The following SPOCK3 variants were observed in gnomAD, a reference collection of about 807,000 sequenced individuals.
SPOCK3 encodes SPARC (osteonectin), cwcv and kazal like domains proteoglycan 3, also known as testican-3.
SPOCK3 carries 30 observed loss-of-function variants against 56.6 expected under a neutral mutation model. The observed-to-expected ratio is 0.53, with a 90% CI of 0.40 to 0.72. The LOEUF (loss-of-function observed/expected upper bound fraction) is 0.72. SPOCK3 is among the 30% of genes least tolerant of loss of function. SPOCK3 has a pLI of 0.00. For synonymous variants in SPOCK3, 196 were observed against 183.3 expected (o/e 1.07, Z -0.56); for missense variants, 527 against 530.0 (o/e 0.99, Z 0.06).
chr4:167,060,008 G>A (rs1381454181), intron 3 of SPOCK3, among the ~76,000 whole-genome samples: 1 of 151,904 alleles, frequency 6.6e-6, no homozygotes, highest in Non-Finnish European at 1.5e-5. Context: ...TTGTGGGGTG[G>A]GGGGAGTGGG....
chr4:167,162,126 T>C (rs1476145503), intron 2 of SPOCK3, among the ~76,000 whole-genome samples: 1 of 152,070 alleles, frequency 6.6e-6, no homozygotes, highest in Admixed American at 6.6e-5. Flanking sequence ...CATTAGGTCA[T>C]ACCCTTTTGT....
At chr4:166,841,052 A>G (rs1747236438) in intron 6 of SPOCK3, among the ~76,000 whole-genome samples, 1 of 152,096 alleles carries the variant, frequency 6.6e-6, no homozygotes, top group African/African-American at 2.4e-5. Context: ...AGCTAGGATT[A>G]CAGGCGTAAG....
At chr4:167,116,711 T>G (rs1352647071) in intron 2 of SPOCK3, among the ~76,000 whole-genome samples, 4 of 133,050 alleles carry the variant, frequency 3.0e-5, no homozygotes, top group Non-Finnish European at 6.4e-5. Flanking sequence ...TATACGTATA[T>G]AGTATATATG....
intron 4 of SPOCK3, among the ~76,000 whole-genome samples, chr4:166,921,599 A>G (rs1358867778): frequency 6.6e-6 from 1 of 152,108 alleles, no homozygotes; most frequent in Non-Finnish European, 1.5e-5. Context: ...TACAGGCATG[A>G]GCCACTGCAC....
intron 2 of SPOCK3, among the ~76,000 whole-genome samples, chr4:167,099,550 G>T (rs770912305): frequency 4.0e-5 from 6 of 151,876 alleles, no homozygotes; most frequent in Non-Finnish European, 7.4e-5. Flanking sequence ...TTCTGTAAAG[G>T]CTCAGAAATT....
At chr4:166,868,026 CTTCT>C (rs1431194295) in intron 6 of SPOCK3, among the ~76,000 whole-genome samples, 15 of 151,866 alleles carry the variant, frequency 9.9e-5, no homozygotes, top group South Asian at 4.1e-4. Flanking sequence ...AGAATTTAAA[CTTCT>C]TTATTTCCAT....
chr4:166,838,898 G>A (rs1746925953), intron 6 of SPOCK3, among the ~76,000 whole-genome samples: 1 of 150,628 alleles, frequency 6.6e-6, no homozygotes, highest in Non-Finnish European at 1.5e-5. Context: ...GGAGGCGGAG[G>A]TTGCAGTGAG....
chr4:167,040,551 G>T (rs1265923292), intron 3 of SPOCK3, among the ~76,000 whole-genome samples: 3 of 152,102 alleles, frequency 2.0e-5, no homozygotes, highest in Non-Finnish European at 4.4e-5. Flanking sequence ...CTTATGTATG[G>T]TAACAATGTG....
intron 2 of SPOCK3, 59 bp downstream of exon 2, chr4:167,233,926 G>T: frequency 6.7e-7 from 1 of 1,493,542 alleles, no homozygotes; most frequent in Non-Finnish European, 9.3e-7. Flanking sequence ...CGGCGGCCGC[G>T]GCCCCCGCCT....
chr4:167,053,682 C>A (rs968743976), intron 3 of SPOCK3, among the ~76,000 whole-genome samples: 1 of 151,888 alleles, frequency 6.6e-6, no homozygotes. Context: ...GAGACTCCAT[C>A]TCAAAAATAA....
intron 2 of SPOCK3, among the ~76,000 whole-genome samples, chr4:167,144,509 G>A (rs1272337086): frequency 1.3e-5 from 2 of 151,838 alleles, no homozygotes; most frequent in Non-Finnish European, 2.9e-5. Flanking sequence ...GCCAGGCATA[G>A]ACCTAGGTTT....
At chr4:167,198,844 G>A (rs2110908203) in intron 2 of SPOCK3, among the ~76,000 whole-genome samples, 1 of 152,130 alleles carries the variant, frequency 6.6e-6, no homozygotes, top group East Asian at 1.9e-4. Context: ...ATAGATTGGA[G>A]CAAAAGTAAT....
intron 3 of SPOCK3, among the ~76,000 whole-genome samples, chr4:167,019,817 T>C (rs1750997331): frequency 6.6e-6 from 1 of 152,086 alleles, no homozygotes; most frequent in Non-Finnish European, 1.5e-5. Flanking sequence ...TTCTAATTGA[T>C]AGAACATAAA....
intron 6 of SPOCK3, among the ~76,000 whole-genome samples, chr4:166,868,330 C>T (rs778020233): frequency 2.6e-5 from 4 of 151,264 alleles, no homozygotes; most frequent in African/African-American, 9.7e-5. Flanking sequence ...CATGGGGGCA[C>T]AGGCCTGCAA....
At chr4:167,176,018 A>C (rs1730951450) in intron 2 of SPOCK3, among the ~76,000 whole-genome samples, 1 of 152,118 alleles carries the variant, frequency 6.6e-6, no homozygotes, top group South Asian at 2.1e-4. Context: ...TCAGGGCTGC[A>C]TTCCTTCTGG....
intron 7 of SPOCK3, among the ~76,000 whole-genome samples, chr4:166,787,713 G>A (rs141090555): frequency 2.1e-4 from 32 of 152,036 alleles, no homozygotes; most frequent in Middle Eastern, 3.5e-3. Flanking sequence ...AAAGACTGGC[G>A]AAAATGACTG....
intron 3 of SPOCK3, chr4:167,011,193 A>G (rs770298566): frequency 6.8e-6 from 3 of 441,832 alleles, no homozygotes; most frequent in Non-Finnish European, 1.4e-5. Context: ...TGAGTAAAAA[A>G]TACAAAAAAA....
At chr4:166,791,299 A>G (rs1424893020) in intron 7 of SPOCK3, among the ~76,000 whole-genome samples, 1 of 152,214 alleles carries the variant, frequency 6.6e-6, no homozygotes, top group Non-Finnish European at 1.5e-5. Flanking sequence ...GGATTATCTT[A>G]CTACACCATT....
intron 2 of SPOCK3, among the ~76,000 whole-genome samples, chr4:167,220,396 T>TTTTTTTTTTTTTTA (rs1735790020): frequency 6.7e-6 from 1 of 148,936 alleles, no homozygotes; most frequent in African/African-American, 2.5e-5. Flanking sequence ...TTTTTTTTTT[T>TTTTTTTTTTTTTTA]GAGACAGGAT....
Sources: allele counts gnomAD v4.1 joint callset (sites outside exome capture counted in the v4.1 genomes callset), GRCh38; gene constraint gnomAD v4.1.1; transcripts MANE v1.5; gene names NCBI Gene and HGNC (gene_info 2026-07-23, HGNC 2026-07-21).